PLD1: variants seen among roughly 807,000 people sequenced by gnomAD.
PLD1 encodes the protein phospholipase D1, also known as choline phosphatase 1.
In PLD1, 112 loss-of-function variants were observed where a neutral mutation model predicts 137.1. That is an observed-to-expected ratio of 0.82 (90% confidence interval 0.70 to 0.96). The LOEUF is 0.96. Ranked by LOEUF, PLD1 falls within the 40% of genes least tolerant of loss-of-function variation. PLD1 has a pLI of 0.00. For missense variants in PLD1, 1,321 were observed against 1,342.0 expected, an observed-to-expected ratio of 0.98 and a Z score of 0.24; for synonymous variants, 431 against 454.7, an observed-to-expected ratio of 0.95 and a Z score of 0.66.
Position 171,739,649 on chromosome 3 carries a change from A to G in PLD1, c.-31-1567T>C, listed in dbSNP as rs895886641. Among the ~76,000 whole-genome samples the G allele has an allele frequency of 4.6e-5, 7 of 152,342 alleles. No homozygotes were observed. In the Middle Eastern group the frequency reaches 0.01, roughly 222 times the overall value. ...ACATACATTGTCTCATTTGTCATTA[A>G]TAATAAATCTGTGAGGGCTTGTTTT... On this transcript the variant is annotated intron_variant, in intron 1 of 26. Transcript: ENST00000351298.
At position 171,737,918 on chromosome 3, in the gene PLD1, G is replaced by T; in HGVS notation, c.134C>A (p.Ser45Tyr). 6.2e-7 allele frequency: 1 copy of T among 1,613,852 alleles called. No individual in the cohort carries two copies. Among genetic ancestry groups the T allele is most frequent in the East Asian group, 2.2e-5 (1 of 44,882 alleles). Residue 45 changes from serine (S) to tyrosine (Y), a missense_variant, in exon 2 of 27, where the codon TCT becomes TAT. Ser to Tyr is a moderately radical substitution (Grantham distance 144). Transcript: ENST00000351298. ...FEGEEVDYDV[S>Y]PSDPKIQEVY... is the part of the protein sequence containing the mutation. ...TTCTTGTATCTTGGGATCGCTGGGA[G>T]ACACGTCGTAGTCTACCTCCTCTCC...
chr3:171,652,142 G>A (rs956600455), intron 21 of PLD1, among the ~76,000 whole-genome samples: 27 of 152,162 alleles, frequency 1.8e-4, no homozygotes, highest in Admixed American at 1.6e-3. Context: ...GGCCAGGCGC[G>A]GTGGCTCATG....
chr3:171,696,232 G>C (rs1177987407), intron 12 of PLD1, among the ~76,000 whole-genome samples: 2 of 152,226 alleles, frequency 1.3e-5, no homozygotes, highest in African/African-American at 4.8e-5. Context: ...GCTGCCATAA[G>C]TATGATGCAG....
chr3:171,626,380 T>A (rs1174337383), intron 23 of PLD1, among the ~76,000 whole-genome samples: 1 of 152,190 alleles, frequency 6.6e-6, no homozygotes, highest in Non-Finnish European at 1.5e-5. Flanking sequence ...GTCTGATTAG[T>A]GTACCTGAAA....
chr3:171,618,557 C>T (rs1450374664), intron 24 of PLD1, among the ~76,000 whole-genome samples: 1 of 152,078 alleles, frequency 6.6e-6, no homozygotes, highest in Admixed American at 6.6e-5. Context: ...CTGAGATTTG[C>T]TTTTGAAGAG....
Position 171,652,766 on chromosome 3 carries a change from A to ATTTTTT in PLD1, c.2429+6441_2429+6446dup, listed in dbSNP as rs1174564536. On this transcript the variant is annotated intron_variant, in intron 21 of 26. Coordinates refer to ENST00000351298, the MANE Select transcript of PLD1 (RefSeq NM_002662.5). ...CAGGCATGTACCAGCACACTCAGCT[A>ATTTTTT]TTTTTTTTTTTTTTTTTTTTTTTTT... Among the ~76,000 whole-genome samples the ATTTTTT allele has an allele frequency of 8.6e-4, 65 of 75,630 alleles. 6 individuals carry two copies. The highest frequency in any genetic ancestry group is 1.2e-3 in the Non-Finnish European group (52 of 42,182). The allele number at this position is 75,630 out of a possible 152,430, so 49.6% of individuals were successfully genotyped here.
At chr3:171,722,147 A>G (rs1365016630) in intron 8 of PLD1, among the ~76,000 whole-genome samples, 1 of 152,212 alleles carries the variant, frequency 6.6e-6, no homozygotes, top group Non-Finnish European at 1.5e-5. Context: ...TGCAACAGTT[A>G]CTGTCTATTA....
chr3:171,690,655 G>A lies in PLD1; in HGVS notation c.1338+1677C>T, dbSNP rs538874680. 3.9e-5 allele frequency among the ~76,000 whole-genome samples: 6 copies of A among 152,204 alleles called. No homozygotes were observed. The East Asian group carries it at 1.2e-3, about 29-fold the overall frequency. On this transcript the variant is annotated intron_variant, in intron 13 of 26. Transcript: ENST00000351298. ...CCACAAATTTGTGAACTTTCTAGTT[G>A]TCCTTCTGTTATTAATTTCTAACAT...
intron 8 of PLD1, among the ~76,000 whole-genome samples, chr3:171,714,278 C>T (rs1209600636): frequency 6.6e-6 from 1 of 152,120 alleles, no homozygotes; most frequent in Non-Finnish European, 1.5e-5. Context: ...CACAGTAATT[C>T]ATTAGCTCTT....
chr3:171,668,112 G>C (rs573784567), intron 19 of PLD1, among the ~76,000 whole-genome samples: 1 of 152,136 alleles, frequency 6.6e-6, no homozygotes, highest in Non-Finnish European at 1.5e-5. Flanking sequence ...GTAGAAACAG[G>C]CTGCACAGGA....
chr3:171,667,966 G>T (rs982087069), intron 19 of PLD1, among the ~76,000 whole-genome samples: 2 of 152,176 alleles, frequency 1.3e-5, no homozygotes, highest in African/African-American at 4.8e-5. Flanking sequence ...TGGCCACGCT[G>T]GTTTCGAACT....
At chr3:171,720,148 A>G (rs567030062) in intron 8 of PLD1, among the ~76,000 whole-genome samples, 1 of 152,034 alleles carries the variant, frequency 6.6e-6, no homozygotes, top group Non-Finnish European at 1.5e-5. Context: ...TACAAAATTT[A>G]TCCAGGTGCG....
Position 171,737,629 on chromosome 3 carries a change from G to A in PLD1, c.191C>T (p.Thr64Ile), listed in dbSNP as rs372973094. 10 of 1,581,988 alleles carry A rather than the reference G, an allele frequency of 6.3e-6. No individual in the cohort carries two copies. The highest frequency in any genetic ancestry group is 1.7e-5 in the Admixed American group (1 of 59,232). Residue 64 changes from threonine to isoleucine, a missense_variant, in exon 3 of 27, where the codon ACT becomes ATT. Coordinates refer to ENST00000351298, the MANE Select transcript of PLD1 (RefSeq NM_002662.5). ...VYIPFSAIYN[T>I]QGFKEPNIQT... ...TATATTAGGCTCCTTAAATCCTTGA[G>A]TGTTATAAATAGCAGAGAAAGGGAT...
At chr3:171,786,166 G>A (rs1240180780) in intron 1 of PLD1, among the ~76,000 whole-genome samples, 2 of 152,118 alleles carry the variant, frequency 1.3e-5, no homozygotes, top group African/African-American at 2.4e-5. Flanking sequence ...ACATTTTCCT[G>A]GCAGAAGAAT....
intron 18 of PLD1, among the ~76,000 whole-genome samples, 190 bp from the exon 19 acceptor site, chr3:171,674,803 C>A (rs911964153): frequency 7.9e-5 from 12 of 151,344 alleles, no homozygotes; most frequent in Non-Finnish European, 1.3e-4. Flanking sequence ...CACGGTGAAA[C>A]CCCCATCTCT....
chr3:171,629,844 C>A (rs1436303591), intron 23 of PLD1, among the ~76,000 whole-genome samples: 5 of 152,176 alleles, frequency 3.3e-5, no homozygotes, highest in Non-Finnish European at 5.9e-5. Flanking sequence ...CTTCTTTACA[C>A]CTTATACAAA....
At chr3:171,790,275 A>G (rs1404806505) in intron 1 of PLD1, among the ~76,000 whole-genome samples, 1 of 152,152 alleles carries the variant, frequency 6.6e-6, no homozygotes, top group Non-Finnish European at 1.5e-5. Context: ...GTGGATTTCA[A>G]GCTTGTTTAG....
rs568334614 is a variant in PLD1, at chr3:171,754,565, T to C, written c.-31-16483A>G. 3.9e-5 allele frequency among the ~76,000 whole-genome samples: 6 copies of C among 152,260 alleles called. No homozygotes were observed. The East Asian group carries it at 1.2e-3, about 29-fold the overall frequency. ...TACAATTCTCCATAAACTATCCTCATCAAAATCTCATATCTGGAAACCAGT... is the reference window on the plus strand; with the variant it reads ...TACAATTCTCCATAAACTATCCTCACCAAAATCTCATATCTGGAAACCAGT... On this transcript the variant is annotated intron_variant, in intron 1 of 26. Transcript: ENST00000351298.
chr3:171,764,163 T>C (rs953086443), intron 1 of PLD1, among the ~76,000 whole-genome samples: 6 of 152,128 alleles, frequency 3.9e-5, no homozygotes, highest in African/African-American at 1.2e-4. Context: ...TTAGTAGAGA[T>C]GGAGTTTCTC....
Sources: allele counts gnomAD v4.1 joint callset (sites outside exome capture counted in the v4.1 genomes callset), GRCh38; gene constraint gnomAD v4.1.1; transcripts MANE v1.5; gene names NCBI Gene and HGNC (gene_info 2026-07-23, HGNC 2026-07-21).